Variants in BMP5 observed in about 807,000 individuals in gnomAD.
BMP5 encodes bone morphogenetic protein 5.
BMP5 carries 23 observed loss-of-function variants against 46.6 expected under a neutral mutation model. That is an observed-to-expected ratio of 0.49 (90% CI 0.35 to 0.70). The LOEUF (loss-of-function observed/expected upper bound fraction) is 0.70. Among genes scored for constraint, BMP5 ranks in the 30% least tolerant of loss-of-function variants. BMP5 has a pLI of 0.00. For missense variants in BMP5, 545 were observed against 565.6 expected (o/e 0.96, Z 0.37); for synonymous variants, 204 against 191.9 (o/e 1.06, Z -0.52).
chr6:55,840,201 A>G (rs1776915893), intron 1 of BMP5, among the ~76,000 whole-genome samples: 1 of 152,078 alleles, frequency 6.6e-6, no homozygotes, highest in East Asian at 1.9e-4. Flanking sequence ...ACAATTTTTT[A>G]TATTAACTTT....
Position 55,874,395 on chromosome 6 carries a change from G to T in BMP5, c.471C>A (p.Val157=). Residue 157 remains valine, a synonymous_variant, in exon 1 of 7, where the codon GTC becomes GTA. Coordinates refer to ENST00000370830, the MANE Select transcript of BMP5 (RefSeq NM_021073.4). ...DTNFLNDADM[V]MSFVNLVERD... is the part of the protein sequence containing the mutation. ...ACATACCTAAGTTGACAAAGCTCATGACCATGTCAGCATCATTCAGAAAGT... is the reference window on the plus strand; with the variant it reads ...ACATACCTAAGTTGACAAAGCTCATTACCATGTCAGCATCATTCAGAAAGT... 6 of 1,613,060 alleles carry T rather than the reference G, an allele frequency of 3.7e-6. No homozygotes were observed. The South Asian group carries it at 6.6e-5, about 18-fold the overall frequency.
At chr6:55,816,910 CAA>C (rs952133404) in intron 2 of BMP5, among the ~76,000 whole-genome samples, 5 of 150,374 alleles carry the variant, frequency 3.3e-5, no homozygotes, top group African/African-American at 1.2e-4. Flanking sequence ...AAGAAAAAAA[CAA>C]ACAACTCTAT....
intron 6 of BMP5, among the ~76,000 whole-genome samples, chr6:55,756,137 C>T (rs1035304544): frequency 4.0e-5 from 6 of 151,874 alleles, no homozygotes; most frequent in Non-Finnish European, 7.4e-5. Context: ...ATAAATCATA[C>T]ATTTTAAGCC....
Position 55,834,978 on chromosome 6 carries a change from C to G in BMP5, c.491-15131G>C, listed in dbSNP as rs376451992. ...GCAGGTGCCTATAATCCCAGCTAGTCAGGAGACTGAGGCAGGAGAATCATT... is the reference window on the plus strand; with the variant it reads ...GCAGGTGCCTATAATCCCAGCTAGTGAGGAGACTGAGGCAGGAGAATCATT... On this transcript the variant is annotated intron_variant, in intron 1 of 6. Coordinates refer to ENST00000370830, the MANE Select transcript of BMP5 (RefSeq NM_021073.4). Among the ~76,000 whole-genome samples, 81 of 151,826 alleles carry G rather than the reference C, an allele frequency of 5.3e-4. No homozygotes were observed. The South Asian group carries it at 0.016, about 31-fold the overall frequency.
At position 55,874,351 on chromosome 6, in the gene BMP5, A is replaced by G. The variant is rs146132086; in HGVS notation, c.490+25T>C. The G allele has an allele frequency of 9.3e-6, 15 of 1,612,676 alleles. No individual in the cohort carries two copies. In the African/African-American group the frequency reaches 2.0e-4, roughly 22 times the overall value. On this transcript the variant is annotated intron_variant, in intron 1 of 6. Transcript: ENST00000370830. ...AAACTTCCACTTTGTAATAACATAG[A>G]TTAACAAACAAATGAACAACATACC...
chr6:55,874,300 C>T (rs1286174490), intron 1 of BMP5, 76 bp downstream of exon 1: 1 of 1,589,838 alleles, frequency 6.3e-7, no homozygotes, highest in Non-Finnish European at 8.6e-7. Context: ...TGACCACCTA[C>T]CAAGCAGCTC....
At chr6:55,816,495 C>G (rs1280636559) in intron 2 of BMP5, among the ~76,000 whole-genome samples, 1 of 151,876 alleles carries the variant, frequency 6.6e-6, no homozygotes, top group African/African-American at 2.4e-5. Flanking sequence ...ACTATATATG[C>G]CTGGCCCTAT....
At chr6:55,822,911 T>G (rs1776443535) in intron 1 of BMP5, among the ~76,000 whole-genome samples, 2 of 152,142 alleles carry the variant, frequency 1.3e-5, no homozygotes, top group South Asian at 4.1e-4. Context: ...TGTCTGGTGA[T>G]TCAAATCCTT....
chr6:55,800,173 T>C (rs1775809734), intron 2 of BMP5, among the ~76,000 whole-genome samples: 1 of 152,124 alleles, frequency 6.6e-6, no homozygotes, highest in African/African-American at 2.4e-5. Flanking sequence ...GAAGACGATA[T>C]ACTTATTAAC....
intron 1 of BMP5, among the ~76,000 whole-genome samples, chr6:55,866,106 G>C (rs2022128): frequency 6.6e-6 from 1 of 152,002 alleles, no homozygotes; most frequent in East Asian, 1.9e-4. Flanking sequence ...TTGCAGAAGA[G>C]CCTACACAGT....
chr6:55,867,392 A>G (rs1777672347), intron 1 of BMP5, among the ~76,000 whole-genome samples: 2 of 152,112 alleles, frequency 1.3e-5, no homozygotes, highest in South Asian at 4.1e-4. Context: ...GTTTTGCTGC[A>G]ACAAAACAAA....
rs532120820 is a variant in BMP5 at position 55,874,261 on chromosome 6, G to C, written c.490+115C>G. On this transcript the variant is annotated intron_variant, in intron 1 of 6. Transcript: ENST00000370830. ...GAAAGAAAACAGAAGCTAAACAGGA[G>C]AGTTAGAGAAAATGTCTTTATATAA... is the stretch of plus-strand genomic sequence containing the variant. The C allele has an allele frequency of 6.8e-5, 91 of 1,329,122 alleles. No homozygotes were observed. The Admixed American group carries it at 1.6e-3, about 23-fold the overall frequency. The allele number at this position is 1,329,122 out of a possible 1,614,324, so 82.3% of individuals were successfully genotyped here.
intron 3 of BMP5, 22 bp from the exon 4 acceptor site, chr6:55,774,265 C>G (rs765928484): frequency 8.1e-6 from 13 of 1,607,694 alleles, no homozygotes; most frequent in Non-Finnish European, 1.1e-5. Flanking sequence ...TACAAAAGCA[C>G]TTGGTTTATG....
intron 3 of BMP5, among the ~76,000 whole-genome samples, chr6:55,779,525 T>G (rs1252096477): frequency 6.6e-6 from 1 of 152,050 alleles, no homozygotes; most frequent in African/African-American, 2.4e-5. Context: ...TATACTAGAA[T>G]TCTACCCTTT....
chr6:55,787,418 A>G (rs1467382192), intron 3 of BMP5, among the ~76,000 whole-genome samples: 5 of 151,728 alleles, frequency 3.3e-5, no homozygotes, highest in African/African-American at 1.2e-4. Context: ...TGTGGACTTT[A>G]GATACTGGAA....
chr6:55,848,350 CT>C (rs1376042909), intron 1 of BMP5, among the ~76,000 whole-genome samples: 4 of 151,964 alleles, frequency 2.6e-5, no homozygotes, highest in Non-Finnish European at 5.9e-5. Context: ...AGTCACTACA[CT>C]TGATTCCCTA....
intron 3 of BMP5, among the ~76,000 whole-genome samples, chr6:55,788,262 G>C (rs549696979): frequency 1.3e-5 from 2 of 151,442 alleles, no homozygotes; most frequent in Non-Finnish European, 3.0e-5. Flanking sequence ...GATTAAATTA[G>C]TAATCTCCAA....
At chr6:55,792,601 T>G (rs1775599407) in intron 3 of BMP5, among the ~76,000 whole-genome samples, 1 of 151,934 alleles carries the variant, frequency 6.6e-6, no homozygotes, top group African/African-American at 2.4e-5. Context: ...CTTTAATATA[T>G]TCAATTTGTG....
In BMP5 at chr6:55,755,466, G is replaced by A. The variant is rs1774564135; in HGVS notation, c.*67C>T. On this transcript the variant is annotated 3_prime_UTR_variant, in exon 7 of 7. Coordinates refer to ENST00000370830, the MANE Select transcript of BMP5 (RefSeq NM_021073.4). Reference sequence around the variant, plus strand: ...TAGGAAATTCCCCGTTTGTCTGAAAGTATGCTTTTTATTGCAGCCATAAAC... The same window carrying A: ...TAGGAAATTCCCCGTTTGTCTGAAAATATGCTTTTTATTGCAGCCATAAAC... The A allele has an allele frequency of 4.0e-6, 6 of 1,482,878 alleles. No homozygotes were observed. The Admixed American group carries it at 1.1e-4, about 26-fold the overall frequency. The allele number at this position is 1,482,878 out of a possible 1,614,324, so 91.9% of individuals were successfully genotyped here.
Sources: gnomAD v4.1 joint callset for allele counts (sites outside exome capture counted in the v4.1 genomes callset) on GRCh38, gnomAD v4.1.1 for gene constraint, MANE v1.5 for transcripts, NCBI Gene and HGNC (gene_info 2026-07-23, HGNC 2026-07-21) for gene names.